Variants in SLC44A5 observed in about 807,000 individuals in gnomAD.
SLC44A5 encodes solute carrier family 44 member 5, also known as choline transporter-like protein 5.
In SLC44A5, 57 loss-of-function variants were observed where a neutral mutation model predicts 101.8. The ratio of observed to expected loss-of-function variants is 0.56; its 90% CI spans 0.45 to 0.70. SLC44A5 has a LOEUF of 0.70. Among genes scored for constraint, SLC44A5 ranks in the 30% least tolerant of loss-of-function variants. The probability of loss-of-function intolerance (pLI) is 0.00; values close to 1 mark genes in which losing one functional copy is unlikely to be tolerated. For missense variants in SLC44A5, 737 were observed against 853.1 expected (o/e 0.86, Z 1.70); for synonymous variants, 281 against 290.9 (o/e 0.97, Z 0.35).
At chr1:75,717,530 C>CA in the SLC44A5 span, among the ~76,000 whole-genome samples, 1 of 151,888 alleles carries the variant, frequency 6.6e-6, no homozygotes, top group Non-Finnish European at 1.5e-5. Context: ...ATCTGGGTGA[C>CA]AAAATAATCT....
intron 3 of SLC44A5, among the ~76,000 whole-genome samples, chr1:75,372,704 C>T (rs1208571943): frequency 6.6e-6 from 1 of 152,146 alleles, no homozygotes; most frequent in Non-Finnish European, 1.5e-5. Context: ...CTAAACTTTT[C>T]ATGGTAATGT....
At chr1:75,399,132 T>C (rs1459975678) in intron 2 of SLC44A5, among the ~76,000 whole-genome samples, 1 of 151,922 alleles carries the variant, frequency 6.6e-6, no homozygotes, top group Non-Finnish European at 1.5e-5. Context: ...GTGGAACGCA[T>C]TGATGTGAGT....
chr1:75,246,769 T>A (rs1649144913), intron 7 of SLC44A5, among the ~76,000 whole-genome samples: 1 of 152,012 alleles, frequency 6.6e-6, no homozygotes, highest in African/African-American at 2.4e-5. Flanking sequence ...AATCAAGACA[T>A]ACAGTCATCT....
At chr1:75,257,443 C>T (rs745936455) in intron 6 of SLC44A5, among the ~76,000 whole-genome samples, 2 of 152,090 alleles carry the variant, frequency 1.3e-5, no homozygotes, top group Non-Finnish European at 2.9e-5. Context: ...TGCCAGAATT[C>T]AACAGCCAAA....
chr1:75,503,896 G>T (rs1386351564), intron 2 of SLC44A5, among the ~76,000 whole-genome samples: 6 of 152,112 alleles, frequency 3.9e-5, no homozygotes, highest in African/African-American at 1.4e-4. Context: ...ATATGTGTAG[G>T]CTGAATATGC....
chr1:75,472,365 G>T (rs1370851620), intron 2 of SLC44A5, among the ~76,000 whole-genome samples: 1 of 152,052 alleles, frequency 6.6e-6, no homozygotes, highest in African/African-American at 2.4e-5. Context: ...TACCCATTCT[G>T]CAAAGTTAAT....
intron 4 of SLC44A5, among the ~76,000 whole-genome samples, chr1:75,332,879 T>C (rs1376648251): frequency 1.3e-5 from 2 of 152,212 alleles, no homozygotes; most frequent in African/African-American, 2.4e-5. Flanking sequence ...AGTGTTGTTA[T>C]CAAGTAGACA....
chr1:75,298,172 C>G (rs1654119544), intron 5 of SLC44A5, among the ~76,000 whole-genome samples: 1 of 152,144 alleles, frequency 6.6e-6, no homozygotes, highest in African/African-American at 2.4e-5. Flanking sequence ...CTTAACACTT[C>G]TAGTAACCTC....
In SLC44A5 at chr1:75,473,588, A is replaced by G. The variant is rs552655290; in HGVS notation, c.13+67847T>C. ...TCTGCCCCACTCAAAATCCATTCACACATAGATGTTTTCTTATTCACATTT... is the reference window on the plus strand; with the variant it reads ...TCTGCCCCACTCAAAATCCATTCACGCATAGATGTTTTCTTATTCACATTT... On this transcript the variant is annotated intron_variant, in intron 2 of 23. Transcript: ENST00000370859. 4.6e-5 allele frequency among the ~76,000 whole-genome samples: 7 copies of G among 152,322 alleles called. No individual in the cohort carries two copies. In the South Asian group the frequency reaches 1.5e-3, roughly 32 times the overall value.
intron 2 of SLC44A5, among the ~76,000 whole-genome samples, chr1:75,477,509 A>C (rs1367282082): frequency 6.6e-6 from 1 of 152,306 alleles, no homozygotes; most frequent in African/African-American, 2.4e-5. Context: ...TTTGAAAAAA[A>C]TTTAGATGAA....
intron 2 of SLC44A5, among the ~76,000 whole-genome samples, chr1:75,538,980 T>C (rs1671202820): frequency 6.6e-6 from 1 of 152,158 alleles, no homozygotes; most frequent in South Asian, 2.1e-4. Context: ...AGGAGCACCA[T>C]GGTTTTAAGC....
At chr1:75,344,479 G>A (rs900520979) in intron 3 of SLC44A5, among the ~76,000 whole-genome samples, 8 of 152,134 alleles carry the variant, frequency 5.3e-5, no homozygotes, top group African/African-American at 1.9e-4. Flanking sequence ...ATAAATTAAG[G>A]ACCATGAAAT....
intron 5 of SLC44A5, among the ~76,000 whole-genome samples, chr1:75,297,340 A>C (rs1248034789): frequency 6.6e-6 from 1 of 152,214 alleles, no homozygotes; most frequent in African/African-American, 2.4e-5. Context: ...GCTGGGGTGC[A>C]GTGGCATAAT....
In SLC44A5 at chr1:75,607,307, T is replaced by G. The variant is rs555171182; in HGVS notation, c.-70+3733A>C. 2.6e-5 allele frequency among the ~76,000 whole-genome samples: 4 copies of G among 152,176 alleles called. No individual in the cohort carries two copies. In the South Asian group the frequency reaches 8.3e-4, roughly 32 times the overall value. On this transcript the variant is annotated intron_variant, in intron 1 of 23. Transcript: ENST00000370859. The stretch of plus-strand genomic sequence containing the variant: ...TGAAACATCCTGTTAGTTTTTAAAA[T>G]TATATAAGTTCTACCTTAAAAATAT...
intron 1 of SLC44A5, among the ~76,000 whole-genome samples, chr1:75,564,723 C>T (rs1211820297): frequency 6.6e-6 from 1 of 151,884 alleles, no homozygotes; most frequent in East Asian, 1.9e-4. Flanking sequence ...GGGCTCACGC[C>T]ATTCTCCTGT....
At chr1:75,482,773 T>A (rs1319491018) in intron 2 of SLC44A5, among the ~76,000 whole-genome samples, 1 of 152,050 alleles carries the variant, frequency 6.6e-6, no homozygotes, top group Non-Finnish European at 1.5e-5. Flanking sequence ...TCCTTAAGAG[T>A]CTTAAAATAT....
chr1:75,448,125 C>A (rs1665690108), intron 2 of SLC44A5, among the ~76,000 whole-genome samples: 1 of 152,176 alleles, frequency 6.6e-6, no homozygotes, highest in Non-Finnish European at 1.5e-5. Context: ...CCATCTGAAA[C>A]AATTTGGCTA....
chr1:75,291,220 T>A (rs1015950956), intron 5 of SLC44A5, among the ~76,000 whole-genome samples: 2 of 152,200 alleles, frequency 1.3e-5, no homozygotes, highest in African/African-American at 4.8e-5. Flanking sequence ...TTGATTCACA[T>A]TAGAAGATAG....
intron 3 of SLC44A5, among the ~76,000 whole-genome samples, chr1:75,384,216 T>C (rs1661127956): frequency 6.6e-6 from 1 of 152,178 alleles, no homozygotes; most frequent in South Asian, 2.1e-4. Flanking sequence ...ATATTAACTT[T>C]ACATGTAAAT....
Sources: allele counts gnomAD v4.1 joint callset (sites outside exome capture counted in the v4.1 genomes callset), GRCh38; gene constraint gnomAD v4.1.1; transcripts MANE v1.5; gene names NCBI Gene and HGNC (gene_info 2026-07-23, HGNC 2026-07-21).